MCF2L2: variants seen among roughly 807,000 people sequenced by gnomAD.
The protein encoded by MCF2L2 is probable guanine nucleotide exchange factor MCF2L2.
A neutral mutation model predicts 150.2 loss-of-function variants in MCF2L2; 102 were observed. That is an observed-to-expected ratio of 0.68 (90% CI 0.58 to 0.80). The LOEUF (loss-of-function observed/expected upper bound fraction) is 0.80, where lower values mean the gene tolerates loss of function less well. Among genes scored for constraint, MCF2L2 ranks in the 30% least tolerant of loss-of-function variants. MCF2L2 has a pLI of 0.00. For missense variants in MCF2L2, 1,256 were observed against 1,372.8 expected (o/e 0.91, Z 1.34); for synonymous variants, 465 against 491.3 (o/e 0.95, Z 0.71).
intron 3 of MCF2L2, 36 bp from the exon 4 acceptor site, chr3:183,341,666 G>A: frequency 7.0e-7 from 1 of 1,434,116 alleles, no homozygotes; most frequent in East Asian, 2.3e-5. Context: ...GAGATTAGGT[G>A]AGACCCATAT....
At chr3:183,259,352 A>G (rs1269295946) in intron 15 of MCF2L2, among the ~76,000 whole-genome samples, 2 of 152,092 alleles carry the variant, frequency 1.3e-5, no homozygotes, top group Non-Finnish European at 2.9e-5. Context: ...AGCATGTTTT[A>G]TATCACATTA....
chr3:183,322,430 C>G (rs1577062610), intron 6 of MCF2L2, among the ~76,000 whole-genome samples: 2 of 152,230 alleles, frequency 1.3e-5, no homozygotes, highest in African/African-American at 4.8e-5. Context: ...CCTGACGACC[C>G]ACCAGATACC....
intron 1 of MCF2L2, among the ~76,000 whole-genome samples, chr3:183,398,902 T>C (rs1174629600): frequency 2.6e-5 from 4 of 152,184 alleles, no homozygotes; most frequent in Admixed American, 2.6e-4. Flanking sequence ...ATAATCTTCT[T>C]TAGTAGGGAA....
At chr3:183,186,004 G>T (rs1245132836) in intron 27 of MCF2L2, among the ~76,000 whole-genome samples, 2 of 152,016 alleles carry the variant, frequency 1.3e-5, no homozygotes, top group African/African-American at 2.4e-5. Context: ...TGGAAGCTTG[G>T]GGGAGGGAGG....
chr3:183,296,740 C>T, intron 12 of MCF2L2: 1 of 480,618 alleles, frequency 2.1e-6, no homozygotes. Context: ...CATGGTACAT[C>T]AGGAATGCTC....
intron 15 of MCF2L2, chr3:183,271,112 C>T (rs1020428359): frequency 3.8e-6 from 2 of 522,352 alleles, no homozygotes. Context: ...TTATCTACTT[C>T]ATTGCCTAAG....
At chr3:183,264,443 T>G (rs1725912385) in intron 15 of MCF2L2, among the ~76,000 whole-genome samples, 1 of 152,268 alleles carries the variant, frequency 6.6e-6, no homozygotes. Context: ...TATGCTTTCA[T>G]GTGGGAACTA....
chr3:183,268,962 A>G (rs1449007571), intron 15 of MCF2L2, among the ~76,000 whole-genome samples: 2 of 152,156 alleles, frequency 1.3e-5, no homozygotes, highest in African/African-American at 4.8e-5. Flanking sequence ...TTGATTACTG[A>G]GAGTTTGCTT....
intron 3 of MCF2L2, among the ~76,000 whole-genome samples, chr3:183,368,105 G>A (rs1421357555): frequency 1.3e-5 from 2 of 152,244 alleles, no homozygotes; most frequent in East Asian, 1.9e-4. Flanking sequence ...AAATGAGCTT[G>A]GACTAGACCA....
intron 3 of MCF2L2, among the ~76,000 whole-genome samples, chr3:183,353,374 C>T (rs1291776967): frequency 1.3e-5 from 2 of 152,194 alleles, no homozygotes; most frequent in Non-Finnish European, 2.9e-5. Flanking sequence ...GATGCCCACC[C>T]AGTTCCACCA....
intron 3 of MCF2L2, among the ~76,000 whole-genome samples, chr3:183,358,236 T>G (rs925714107): frequency 2.2e-4 from 33 of 151,858 alleles, no homozygotes; most frequent in African/African-American, 8.0e-4. Flanking sequence ...GAGGTTGCAG[T>G]GAACCAAGAT....
chr3:183,275,124 T>C (rs1727087192), intron 15 of MCF2L2, among the ~76,000 whole-genome samples: 1 of 152,190 alleles, frequency 6.6e-6, no homozygotes, highest in Non-Finnish European at 1.5e-5. Flanking sequence ...TAAGCATCTC[T>C]TCCTTCCCTT....
intron 15 of MCF2L2, among the ~76,000 whole-genome samples, chr3:183,255,513 A>G (rs920537823): frequency 8.5e-5 from 13 of 152,154 alleles, no homozygotes; most frequent in African/African-American, 3.1e-4. Context: ...TCTGAGGAGG[A>G]GGCTGACTCA....
chr3:183,408,742 A>G (rs912691930), intron 1 of MCF2L2, among the ~76,000 whole-genome samples: 1 of 152,264 alleles, frequency 6.6e-6, no homozygotes, highest in African/African-American at 2.4e-5. Context: ...CACACAATCC[A>G]AAACCTGGGC....
At chr3:183,337,034 C>T (rs2314734) in intron 5 of MCF2L2, among the ~76,000 whole-genome samples, 150,893 of 152,242 alleles carry the variant, frequency 0.99, 74,782 homozygotes, top group East Asian at 1. Flanking sequence ...TCATACTGTT[C>T]AGTGTCTAGC....
intron 5 of MCF2L2, among the ~76,000 whole-genome samples, chr3:183,329,223 G>A (rs1347293688): frequency 3.9e-5 from 6 of 152,128 alleles, no homozygotes; most frequent in Admixed American, 1.3e-4. Flanking sequence ...TTGAGACAGC[G>A]TCTCGCTCTG....
chr3:183,287,358 A>ATTT (rs1236954159), intron 14 of MCF2L2: 2,084 of 152,310 alleles, frequency 0.014, 61 homozygotes, highest in African/African-American at 0.048. Context: ...AGTTCACATC[A>ATTT]CGGCGTGAGT....
chr3:183,400,502 G>A (rs911110950), intron 1 of MCF2L2: 11 of 456,198 alleles, frequency 2.4e-5, no homozygotes, highest in African/African-American at 2.2e-4. Flanking sequence ...CTGGATTCCA[G>A]GAAACGGCGC....
intron 9 of MCF2L2, 161 bp downstream of exon 9, chr3:183,310,754 G>A: frequency 1.7e-6 from 1 of 597,742 alleles, no homozygotes; most frequent in South Asian, 2.1e-5. Context: ...CTGAAAAAGT[G>A]AGAAGGGGGT....
Sources: gnomAD v4.1 joint callset for allele counts (sites outside exome capture counted in the v4.1 genomes callset) on GRCh38, gnomAD v4.1.1 for gene constraint, MANE v1.5 for transcripts, NCBI Gene and HGNC (gene_info 2026-07-23, HGNC 2026-07-21) for gene names.